The following ZC3H12C variants were observed in gnomAD, a reference collection of about 807,000 sequenced individuals.
ZC3H12C encodes the protein zinc finger CCCH-type containing 12C, also known as probable ribonuclease ZC3H12C.
A neutral mutation model predicts 76.3 loss-of-function variants in ZC3H12C; 20 were observed. The ratio of observed to expected loss-of-function variants is 0.26; its 90% CI spans 0.18 to 0.38. The LOEUF (loss-of-function observed/expected upper bound fraction) is 0.38. Ranked by LOEUF, ZC3H12C falls within the 10% of genes least tolerant of loss-of-function variation. The pLI is 1.00. For synonymous variants in ZC3H12C, 352 were observed against 399.6 expected (o/e 0.88, Z 1.42); for missense variants, 874 against 1,086.5 (o/e 0.80, Z 2.75).
At chr11:110,137,931 TG>T (rs1405885485) in intron 2 of ZC3H12C, among the ~76,000 whole-genome samples, 3 of 151,880 alleles carry the variant, frequency 2.0e-5, no homozygotes, top group Non-Finnish European at 4.4e-5. Flanking sequence ...CTTAAGGAAC[TG>T]GGGGGAAAAA....
chr11:110,136,572 G>T (rs754510689), intron 1 of ZC3H12C, 91 bp from the exon 2 acceptor site: 26 of 1,376,146 alleles, frequency 1.9e-5, no homozygotes, highest in Non-Finnish European at 2.3e-5. Context: ...AAAGTATTTT[G>T]AGTAGTTGAG....
At chr11:110,128,411 G>A (rs986557459) in intron 1 of ZC3H12C, among the ~76,000 whole-genome samples, 1 of 152,160 alleles carries the variant, frequency 6.6e-6, no homozygotes, top group Admixed American at 6.5e-5. Flanking sequence ...TTAATCCAGT[G>A]CTAGAGATCA....
At chr11:110,121,145 A>G (rs1861644408) in intron 1 of ZC3H12C, among the ~76,000 whole-genome samples, 1 of 152,244 alleles carries the variant, frequency 6.6e-6, no homozygotes, top group Non-Finnish European at 1.5e-5. Context: ...ATCAATGTAT[A>G]TCTAAAATTG....
At chr11:110,100,384 G>A (rs574893784) in intron 1 of ZC3H12C, among the ~76,000 whole-genome samples, 1 of 152,018 alleles carries the variant, frequency 6.6e-6, no homozygotes, top group East Asian at 1.9e-4. Flanking sequence ...CTGGTAAGTG[G>A]GTATGATAAA....
At chr11:110,098,803 A>T (rs1861161156) in intron 1 of ZC3H12C, among the ~76,000 whole-genome samples, 1 of 152,248 alleles carries the variant, frequency 6.6e-6, no homozygotes, top group African/African-American at 2.4e-5. Context: ...TTGTGTAAGT[A>T]TACTCTGTGA....
chr11:110,162,670 T>A (rs1254487198), intron 4 of ZC3H12C, among the ~76,000 whole-genome samples: 1 of 152,244 alleles, frequency 6.6e-6, no homozygotes, highest in African/African-American at 2.4e-5. Context: ...CGGAGTTAGA[T>A]CTAATTGAAT....
chr11:110,144,983 CATT>C (rs745999055), intron 2 of ZC3H12C, among the ~76,000 whole-genome samples: 1 of 152,098 alleles, frequency 6.6e-6, no homozygotes, highest in Non-Finnish European at 1.5e-5. Context: ...TAATATGTAA[CATT>C]ATGGTTTTTT....
At chr11:110,107,415 C>T (rs1386860118) in intron 1 of ZC3H12C, among the ~76,000 whole-genome samples, 2 of 152,112 alleles carry the variant, frequency 1.3e-5, no homozygotes, top group African/African-American at 4.8e-5. Flanking sequence ...CAGGATCTCA[C>T]TCTGTCACTC....
rs1191738001 is a variant in ZC3H12C, at chr11:110,117,852, CATAT to C, written c.22-18805_22-18802del. 4.2e-5 allele frequency among the ~76,000 whole-genome samples: 5 copies of C among 119,888 alleles called. 1 individual carries two copies. The highest frequency in any genetic ancestry group is 1.6e-4 in the African/African-American group (5 of 30,930). The allele number at this position is 119,888 out of a possible 152,430, so 78.7% of individuals were successfully genotyped here. A position where few individuals can be genotyped will look rare whatever the true frequency, so the allele number is the denominator to read the frequency against. ...CATATAATATATATATACACACACA[CATAT>C]ATATAATATATATACACACACATAT... is the stretch of plus-strand genomic sequence containing the variant. On this transcript the variant is annotated intron_variant, in intron 1 of 5. Transcript: ENST00000278590.
intron 1 of ZC3H12C, among the ~76,000 whole-genome samples, chr11:110,112,706 C>T (rs570388091): frequency 2.0e-5 from 3 of 152,278 alleles, no homozygotes; most frequent in African/African-American, 4.8e-5. Flanking sequence ...ACTCTCCACT[C>T]CCAGTCAGTC....
rs918482173 is a variant in ZC3H12C at position 110,136,838 on chromosome 11, C to T, written c.197C>T (p.Pro66Leu). 12 of 1,613,722 alleles carry T rather than the reference C, an allele frequency of 7.4e-6. No homozygotes were observed. In the African/African-American group the frequency reaches 1.6e-4, roughly 22 times the overall value. Residue 66 changes from proline to leucine, a missense_variant, in exon 2 of 6, where the codon CCA becomes CTA. By Grantham distance (98) the Pro-to-Leu change is moderately conservative. Coordinates refer to ENST00000278590, the MANE Select transcript of ZC3H12C (RefSeq NM_033390.2). ...GTACCTTGGTCAACAGTAGAAAACC[C>T]AAGTATGGATACCGTTAATGTGGGG... The part of the protein sequence containing the change: ...PAVPWSTVEN[P>L]SMDTVNVGKD...
chr11:110,108,266 C>T (rs1051688425), intron 1 of ZC3H12C, among the ~76,000 whole-genome samples: 6 of 152,134 alleles, frequency 3.9e-5, no homozygotes, highest in African/African-American at 1.2e-4. Flanking sequence ...TTAATGGAGT[C>T]TTAAGATCAT....
chr11:110,136,376 G>A (rs1009787091), intron 1 of ZC3H12C: 5 of 299,294 alleles, frequency 1.7e-5, no homozygotes, highest in Non-Finnish European at 3.1e-5. Context: ...TGATATAGTG[G>A]GAAAAGCATG....
At chr11:110,143,554 CTACTA>C (rs1339800778) in intron 2 of ZC3H12C, among the ~76,000 whole-genome samples, 1 of 151,756 alleles carries the variant, frequency 6.6e-6, no homozygotes, top group Non-Finnish European at 1.5e-5. Context: ...TGATTAAAAT[CTACTA>C]TACTCTTTCT....
At chr11:110,103,895 G>T (rs900887835) in intron 1 of ZC3H12C, among the ~76,000 whole-genome samples, 1 of 151,914 alleles carries the variant, frequency 6.6e-6, no homozygotes, top group Admixed American at 6.6e-5. Flanking sequence ...GAGCCACCGC[G>T]CCTGGCAGTT....
intron 1 of ZC3H12C, among the ~76,000 whole-genome samples, chr11:110,122,819 A>G (rs1298238049): frequency 6.6e-6 from 1 of 152,208 alleles, no homozygotes; most frequent in Admixed American, 6.5e-5. Flanking sequence ...TTTTCAACTG[A>G]TGATATTTTC....
At chr11:110,154,652 A>G (rs535583419) in intron 3 of ZC3H12C, among the ~76,000 whole-genome samples, 1 of 152,086 alleles carries the variant, frequency 6.6e-6, no homozygotes, top group African/African-American at 2.4e-5. Flanking sequence ...GACCATAAGA[A>G]TTTTCTAAAT....
chr11:110,096,969 C>A (rs1412467555), intron 1 of ZC3H12C, among the ~76,000 whole-genome samples: 1 of 152,202 alleles, frequency 6.6e-6, no homozygotes, highest in Non-Finnish European at 1.5e-5. Flanking sequence ...AACAAACATT[C>A]TTAATGAATA....
chr11:110,114,979 A>G (rs1294784049), intron 1 of ZC3H12C, among the ~76,000 whole-genome samples: 1 of 152,204 alleles, frequency 6.6e-6, no homozygotes, highest in Non-Finnish European at 1.5e-5. Flanking sequence ...AAATTATAGG[A>G]GAGGTGGGAG....
Sources: gnomAD v4.1 joint callset for allele counts (sites outside exome capture counted in the v4.1 genomes callset) on GRCh38, gnomAD v4.1.1 for gene constraint, MANE v1.5 for transcripts, NCBI Gene and HGNC (gene_info 2026-07-23, HGNC 2026-07-21) for gene names.